SPIDR: variants seen among roughly 807,000 people sequenced by gnomAD.
SPIDR encodes the protein DNA repair-scaffolding protein.
A neutral mutation model predicts 104.6 loss-of-function variants in SPIDR; 93 were observed. That is an observed-to-expected ratio of 0.89 (90% confidence interval 0.75 to 1.06). The LOEUF (loss-of-function observed/expected upper bound fraction) is 1.06. Ranked by LOEUF, SPIDR falls within the 50% of genes least tolerant of loss-of-function variation. SPIDR has a pLI of 0.00. For missense variants in SPIDR, 1,154 were observed against 1,111.2 expected (o/e 1.04, Z -0.55); for synonymous variants, 431 against 416.9 (o/e 1.03, Z -0.41).
chr8:47,318,203 C>T (rs797028244), intron 5 of SPIDR, among the ~76,000 whole-genome samples: 19 of 152,068 alleles, frequency 1.2e-4, no homozygotes, highest in Admixed American at 7.9e-4. Context: ...TGGAAAAAAA[C>T]GAGACAAATG....
At chr8:47,321,795 T>G (rs1381805601) in intron 5 of SPIDR, among the ~76,000 whole-genome samples, 1 of 152,078 alleles carries the variant, frequency 6.6e-6, no homozygotes, top group Admixed American at 6.6e-5. Flanking sequence ...ATGCCACATA[T>G]CTACAACCAT....
chr8:47,733,752 G>T (rs958998863), intron 19 of SPIDR, among the ~76,000 whole-genome samples: 1 of 152,008 alleles, frequency 6.6e-6, no homozygotes, highest in African/African-American at 2.4e-5. Context: ...ATGTGTGAGC[G>T]AGTGAGCAGC....
intron 10 of SPIDR, 143 bp downstream of exon 10, chr8:47,599,339 A>G: frequency 9.0e-7 from 1 of 1,105,946 alleles, no homozygotes; most frequent in South Asian, 1.7e-5. Flanking sequence ...TTGCATCAAA[A>G]TTTGGGATAC....
intron 10 of SPIDR, among the ~76,000 whole-genome samples, chr8:47,644,519 C>T (rs1331379382): frequency 3.3e-5 from 5 of 152,170 alleles, no homozygotes; most frequent in African/African-American, 7.2e-5. Flanking sequence ...GACAAGGGGC[C>T]GGCTCTCCAG....
chr8:47,645,207 C>CA (rs779194209), intron 10 of SPIDR, among the ~76,000 whole-genome samples: 12 of 152,174 alleles, frequency 7.9e-5, no homozygotes, highest in Non-Finnish European at 1.8e-4. Flanking sequence ...TAGGCTATTT[C>CA]AAAAATCCAG....
intron 14 of SPIDR, among the ~76,000 whole-genome samples, chr8:47,705,540 C>G (rs2080956980): frequency 6.6e-6 from 1 of 152,168 alleles, no homozygotes; most frequent in Non-Finnish European, 1.5e-5. Flanking sequence ...AAGCCAGTGG[C>G]CTGCATCCTT....
chr8:47,512,197 A>G, intron 8 of SPIDR: 2 of 343,776 alleles, frequency 5.8e-6, no homozygotes, highest in Non-Finnish European at 5.5e-6. Flanking sequence ...TTTCTAAAGC[A>G]TCCTTGAGTG....
chr8:47,533,614 C>A (rs1296279403), intron 8 of SPIDR, among the ~76,000 whole-genome samples: 1 of 152,110 alleles, frequency 6.6e-6, no homozygotes, highest in Non-Finnish European at 1.5e-5. Context: ...CATGAATGGA[C>A]ACTTCTCAAA....
chr8:47,422,451 A>G (rs948382696), intron 7 of SPIDR, among the ~76,000 whole-genome samples: 1 of 152,156 alleles, frequency 6.6e-6, no homozygotes, highest in African/African-American at 2.4e-5. Context: ...TGCTAAGACC[A>G]TTGGAAAAGC....
chr8:47,361,634 G>A (rs1444202977), intron 5 of SPIDR, among the ~76,000 whole-genome samples: 2 of 152,216 alleles, frequency 1.3e-5, no homozygotes, highest in South Asian at 2.1e-4. Context: ...ATCAAACTCT[G>A]GGGTGGGGCT....
intron 5 of SPIDR, among the ~76,000 whole-genome samples, chr8:47,382,310 A>T (rs1426371975): frequency 1.3e-5 from 2 of 152,242 alleles, no homozygotes; most frequent in African/African-American, 4.8e-5. Flanking sequence ...TTTTCTGAAC[A>T]TTTCATAAAG....
chr8:47,450,426 A>G (rs935939054), intron 8 of SPIDR, among the ~76,000 whole-genome samples: 3 of 152,132 alleles, frequency 2.0e-5, no homozygotes, highest in African/African-American at 4.8e-5. Context: ...CCACCTCCCA[A>G]TACTGCTGCA....
intron 1 of SPIDR, among the ~76,000 whole-genome samples, chr8:47,269,268 T>A (rs1382862445): frequency 6.6e-6 from 1 of 151,324 alleles, no homozygotes. Context: ...CCATCTTTTT[T>A]TCCCCCCAAG....
At chr8:47,551,342 A>G (rs182134175) in intron 8 of SPIDR, among the ~76,000 whole-genome samples, 4 of 152,322 alleles carry the variant, frequency 2.6e-5, no homozygotes, top group East Asian at 1.9e-4. Context: ...TTCAGAACCA[A>G]TGGTACCAGC....
intron 5 of SPIDR, among the ~76,000 whole-genome samples, chr8:47,341,373 A>G (rs534596112): frequency 3.9e-5 from 6 of 152,304 alleles, no homozygotes; most frequent in South Asian, 2.1e-4. Flanking sequence ...CTTAAAACCT[A>G]TGGGAAGAAT....
At chr8:47,290,088 G>T (rs1331303011) in intron 3 of SPIDR, among the ~76,000 whole-genome samples, 2 of 152,024 alleles carry the variant, frequency 1.3e-5, no homozygotes, top group African/African-American at 4.8e-5. Flanking sequence ...TGCCCAGGCT[G>T]GAGTGCAGTG....
chr8:47,482,443 A>AT (rs1399740744), intron 8 of SPIDR, among the ~76,000 whole-genome samples: 7 of 152,266 alleles, frequency 4.6e-5, no homozygotes, highest in Admixed American at 1.3e-4. Flanking sequence ...CAAAAAAAAA[A>AT]GTCTCATGAC....
chr8:47,461,352 G>C (rs1020446299), intron 8 of SPIDR, among the ~76,000 whole-genome samples: 2 of 152,156 alleles, frequency 1.3e-5, no homozygotes, highest in Admixed American at 6.6e-5. Flanking sequence ...TTTAGATGGA[G>C]TCTCGCTCTG....
At chr8:47,264,889 A>C (rs1301823017) in intron 1 of SPIDR, among the ~76,000 whole-genome samples, 1 of 152,172 alleles carries the variant, frequency 6.6e-6, no homozygotes, top group African/African-American at 2.4e-5. Context: ...GGTGATAATG[A>C]AAGCAATTAA....
Sources: allele counts gnomAD v4.1 joint callset (sites outside exome capture counted in the v4.1 genomes callset), GRCh38; gene constraint gnomAD v4.1.1; transcripts MANE v1.5; gene names NCBI Gene and HGNC (gene_info 2026-07-23, HGNC 2026-07-21).